Variants in SND1 observed in about 807,000 individuals in gnomAD.
The protein encoded by SND1 is staphylococcal nuclease and tudor domain containing 1.
Under a neutral mutation model 121.7 loss-of-function variants are expected in SND1, and 38 were observed. That is an observed-to-expected ratio of 0.31 (90% confidence interval 0.24 to 0.41). The LOEUF (loss-of-function observed/expected upper bound fraction) is 0.41. Among genes scored for constraint, SND1 ranks in the 10% least tolerant of loss-of-function variants. The probability of loss-of-function intolerance (pLI) is 1.00; values close to 1 mark genes in which losing one functional copy is unlikely to be tolerated. For synonymous variants in SND1, 401 were observed against 447.4 expected, an observed-to-expected ratio of 0.90 and a Z score of 1.31; for missense variants, 868 against 1,184.6, an observed-to-expected ratio of 0.73 and a Z score of 3.92.
chr7:127,724,381 T>C (rs1239612139), intron 10 of SND1, among the ~76,000 whole-genome samples: 2 of 152,138 alleles, frequency 1.3e-5, no homozygotes, highest in African/African-American at 4.8e-5. Context: ...AGAATGAGTT[T>C]TGGGGACTAG....
At chr7:127,736,602 T>C (rs1046748158) in intron 10 of SND1, among the ~76,000 whole-genome samples, 5 of 152,262 alleles carry the variant, frequency 3.3e-5, no homozygotes, top group African/African-American at 7.2e-5. Context: ...TGTCGTACAA[T>C]GTATGCGGTT....
chr7:127,665,075 C>T (rs993846513), intron 1 of SND1, among the ~76,000 whole-genome samples: 20 of 152,164 alleles, frequency 1.3e-4, no homozygotes, highest in Non-Finnish European at 2.9e-5. Flanking sequence ...AGTGCTCATC[C>T]TAATCCTGGT....
At chr7:127,902,266 C>A (rs1041030787) in intron 13 of SND1, among the ~76,000 whole-genome samples, 1 of 152,176 alleles carries the variant, frequency 6.6e-6, no homozygotes, top group African/African-American at 2.4e-5. Context: ...CAGAACAGAT[C>A]TATTTATTTT....
chr7:128,053,633 A>G (rs1258457009), intron 16 of SND1, among the ~76,000 whole-genome samples: 2 of 152,186 alleles, frequency 1.3e-5, no homozygotes, highest in African/African-American at 2.4e-5. Flanking sequence ...CAGCTGAGAG[A>G]GAGTGTTTTC....
Position 128,029,082 on chromosome 7 carries a change from T to G in SND1, c.1779+38026T>G, listed in dbSNP as rs767304897. Reference sequence around the variant, plus strand: ...GATCTTGGTGGTCTTCATGACTTCATCCAGGCTGGTCTGCATCTTGTCAGT... The same window carrying G: ...GATCTTGGTGGTCTTCATGACTTCAGCCAGGCTGGTCTGCATCTTGTCAGT... On this transcript the variant is annotated intron_variant, in intron 16 of 23. Transcript: ENST00000354725. This position sits in a 1 kb window ranked among gnomAD's most constrained non-coding sequence, Gnocchi z 4.2. 3 of 1,613,948 alleles carry G rather than the reference T, an allele frequency of 1.9e-6. No homozygotes were observed. In the South Asian group the frequency reaches 3.3e-5, roughly 18 times the overall value.
At chr7:127,739,382 T>A (rs1375094909) in intron 10 of SND1, among the ~76,000 whole-genome samples, 2 of 152,196 alleles carry the variant, frequency 1.3e-5, no homozygotes, top group Non-Finnish European at 2.9e-5. Flanking sequence ...CCCAGAAGGC[T>A]GATTTATTTA....
At position 128,007,692 on chromosome 7, in the gene SND1, TA is replaced by T. The variant is rs892877773; in HGVS notation, c.1779+16637del. Among the ~76,000 whole-genome samples the T allele has an allele frequency of 5.3e-5, 8 of 152,314 alleles. No homozygotes were observed. In the South Asian group the frequency reaches 1.2e-3, roughly 24 times the overall value. ...CGTTTCTTTGTCAAACAAACTAAAA[TA>T]GAGCTTTTCCTTTGTTGGTTAGAAA... On this transcript the variant is annotated intron_variant, in intron 16 of 23. Coordinates refer to ENST00000354725, the MANE Select transcript of SND1 (RefSeq NM_014390.4).
At chr7:127,956,355 A>G (rs3757763) in intron 15 of SND1, among the ~76,000 whole-genome samples, 44,993 of 152,158 alleles carry the variant, frequency 0.3, 8,359 homozygotes, top group East Asian at 0.7. Flanking sequence ...GGACTGTGGC[A>G]GATACATCTG....
intron 10 of SND1, among the ~76,000 whole-genome samples, chr7:127,782,034 G>A (rs1797733344): frequency 6.6e-6 from 1 of 152,194 alleles, no homozygotes; most frequent in Non-Finnish European, 1.5e-5. Flanking sequence ...TGATCAAGCT[G>A]TAATATCTGA....
intron 9 of SND1, among the ~76,000 whole-genome samples, chr7:127,720,972 A>G (rs1036699014): frequency 6.6e-6 from 1 of 152,184 alleles, no homozygotes; most frequent in African/African-American, 2.4e-5. Flanking sequence ...CTTCAATTAC[A>G]TGTAGAGACA....
chr7:128,020,769 A>G lies in SND1; in HGVS notation c.1779+29713A>G, dbSNP rs546828575. Among the ~76,000 whole-genome samples, 52 of 152,312 alleles carry G rather than the reference A, an allele frequency of 3.4e-4. No individual in the cohort carries two copies. The Middle Eastern group carries it at 0.01, about 30-fold the overall frequency. Reference sequence around the variant, plus strand: ...AAAGGGAAAGCCTCCAGCGGGCACAATGGATGAAACAGCAAGCGCACAGAA... The same window carrying G: ...AAAGGGAAAGCCTCCAGCGGGCACAGTGGATGAAACAGCAAGCGCACAGAA... On this transcript the variant is annotated intron_variant, in intron 16 of 23. Transcript: ENST00000354725.
chr7:127,853,848 A>G (rs1392728122), intron 12 of SND1, among the ~76,000 whole-genome samples: 1 of 152,194 alleles, frequency 6.6e-6, no homozygotes, highest in Non-Finnish European at 1.5e-5. Flanking sequence ...TGTGGGCATC[A>G]CAGGGAAGTG....
intron 10 of SND1, among the ~76,000 whole-genome samples, chr7:127,759,147 C>T (rs1797253498): frequency 6.6e-6 from 1 of 152,048 alleles, no homozygotes; most frequent in African/African-American, 2.4e-5. Flanking sequence ...GCTTAGTAGA[C>T]AACTTGCAGA....
Position 128,085,236 on chromosome 7 carries a change from C to T in SND1, c.2234+389C>T, listed in dbSNP as rs1482344495. Among the ~76,000 whole-genome samples, 1 of 152,170 alleles carries T rather than the reference C, an allele frequency of 6.6e-6. No individual in the cohort carries two copies. The highest frequency in any genetic ancestry group is 6.5e-5 in the Admixed American group (1 of 15,288). Reference sequence around the variant, plus strand: ...TAAACCAGCTGCCCGACCCTCTTCCCCGGCTGTCTAGGACATGAGCAGCAG... The same window carrying T: ...TAAACCAGCTGCCCGACCCTCTTCCTCGGCTGTCTAGGACATGAGCAGCAG... On this transcript the variant is annotated intron_variant, in intron 19 of 23. Transcript: ENST00000354725. This position sits in a 1 kb window ranked among gnomAD's most constrained non-coding sequence, Gnocchi z 4.4.
At chr7:127,812,197 G>A (rs988179202) in intron 11 of SND1, among the ~76,000 whole-genome samples, 2 of 152,226 alleles carry the variant, frequency 1.3e-5, no homozygotes, top group East Asian at 3.8e-4. Context: ...TATAGACAGG[G>A]TCGTGGTATT....
chr7:127,748,439 A>G (rs991815425), intron 10 of SND1, among the ~76,000 whole-genome samples: 39 of 152,134 alleles, frequency 2.6e-4, no homozygotes, highest in African/African-American at 9.4e-4. Context: ...ATGAAGTCTG[A>G]TTGTCTGGAT....
chr7:127,928,590 TTC>T (rs1044208404), intron 14 of SND1, among the ~76,000 whole-genome samples: 1 of 151,984 alleles, frequency 6.6e-6, no homozygotes, highest in African/African-American at 2.4e-5. Context: ...TTTTCTTTCT[TTC>T]TTTCTTTTTT....
At chr7:127,773,860 A>G (rs996759324) in intron 10 of SND1, among the ~76,000 whole-genome samples, 1 of 152,222 alleles carries the variant, frequency 6.6e-6, no homozygotes, top group Non-Finnish European at 1.5e-5. Context: ...TGGTGGTTCC[A>G]TAAGATTACA....
At chr7:127,914,852 G>A (rs944942842) in intron 14 of SND1, among the ~76,000 whole-genome samples, 9 of 152,270 alleles carry the variant, frequency 5.9e-5, no homozygotes, top group African/African-American at 2.2e-4. Context: ...GACGCCTTGG[G>A]GAAGTTATTT....
Sources: allele counts gnomAD v4.1 joint callset (sites outside exome capture counted in the v4.1 genomes callset), GRCh38; gene constraint gnomAD v4.1.1; non-coding constraint Gnocchi (gnomAD v3.1); transcripts MANE v1.5; gene names NCBI Gene and HGNC (gene_info 2026-07-23, HGNC 2026-07-21).